The following PIR variants were observed in gnomAD, a reference collection of about 807,000 sequenced individuals.
PIR encodes pirin (iron-binding nuclear protein).
In PIR, 22 loss-of-function variants were observed where a neutral mutation model predicts 24.2. That is an observed-to-expected ratio of 0.91 (90% CI 0.65 to 1.30). PIR has a LOEUF of 1.30. PIR is among the 50% of genes most tolerant of loss of function. The pLI is 0.00. For missense variants in PIR, 220 were observed against 220.3 expected, an observed-to-expected ratio of 1.00 and a Z score of 0.01; for synonymous variants, 80 against 79.6, an observed-to-expected ratio of 1.00 and a Z score of -0.03.
intron 5 of PIR, among the ~76,000 whole-genome samples, chrX:15,431,408 T>C (rs1356521917): frequency 1.8e-5 from 2 of 112,093 alleles, no homozygotes; most frequent in African/African-American, 6.5e-5. Context: ...TTGTTCAACA[T>C]AATCATCTGG....
rs183191403 is a variant in PIR, at chrX:15,388,088, A to C, written c.760+2097T>G. 7.0e-3 allele frequency among the ~76,000 whole-genome samples: 786 copies of C among 112,301 alleles called. 9 individuals carry two copies. The highest frequency in any genetic ancestry group is 0.024 in the African/African-American group (739 of 30,968). ...AACTGAATCCAGAAAGCATGTTTTT[A>C]AATTGATCAACTACAAGGGTTGTGA... On this transcript the variant is annotated intron_variant, in intron 9 of 9. Coordinates refer to ENST00000380420, the MANE Select transcript of PIR (RefSeq NM_001018109.3).
At chrX:15,485,455 G>A (rs1452833181) in intron 2 of PIR, among the ~76,000 whole-genome samples, 1 of 111,652 alleles carries the variant, frequency 9.0e-6, no homozygotes, top group Non-Finnish European at 1.9e-5. Context: ...ATCATATTGA[G>A]TGTTAGGTTT....
At chrX:15,423,976 T>C (rs931882875) in intron 6 of PIR, among the ~76,000 whole-genome samples, 2 of 112,286 alleles carry the variant, frequency 1.8e-5, no homozygotes, top group East Asian at 5.6e-4. Flanking sequence ...AGTGAGAATG[T>C]AAATTAGTAC....
intron 4 of PIR, among the ~76,000 whole-genome samples, chrX:15,456,489 G>A (rs1921090200): frequency 1.8e-5 from 2 of 112,539 alleles, no homozygotes; most frequent in South Asian, 7.3e-4. Flanking sequence ...GGGAGCTCTG[G>A]AGTTGAGATG....
chrX:15,433,928 A>G (rs1291153461), intron 5 of PIR, among the ~76,000 whole-genome samples: 2 of 64,031 alleles, frequency 3.1e-5, no homozygotes, highest in African/African-American at 7.1e-5. Context: ...GAGGAGGAGG[A>G]AGGAGGAAGA....
At chrX:15,476,931 T>A (rs1178599681) in intron 3 of PIR, among the ~76,000 whole-genome samples, 1 of 111,891 alleles carries the variant, frequency 8.9e-6, no homozygotes, top group Non-Finnish European at 1.9e-5. Context: ...GCCATTAAAA[T>A]TAGTTTTTTA....
At chrX:15,486,278 G>A (rs754152666) in intron 2 of PIR, among the ~76,000 whole-genome samples, 10 of 41,440 alleles carry the variant, frequency 2.4e-4, no homozygotes, top group African/African-American at 1.3e-3. Context: ...AGCCGAGGGA[G>A]ACAGAGTGAG....
At position 15,453,424 on chromosome X, in the gene PIR, C is replaced by T. The variant is rs774298506; in HGVS notation, c.480+2424G>A. Among the ~76,000 whole-genome samples the T allele has an allele frequency of 6.2e-5, 7 of 112,319 alleles. No homozygotes were observed. In the South Asian group the frequency reaches 2.2e-3, roughly 36 times the overall value. ...AGACACTGAGGTCCAGAGAAAGTAA[C>T]TGGCTTGCCCAAGGCCACACAGCTA... On this transcript the variant is annotated intron_variant, in intron 5 of 9. Coordinates refer to ENST00000380420, the MANE Select transcript of PIR (RefSeq NM_001018109.3).
intron 2 of PIR, among the ~76,000 whole-genome samples, chrX:15,482,136 A>C (rs1162124622): frequency 2.7e-5 from 3 of 112,332 alleles, no homozygotes; most frequent in Non-Finnish European, 5.6e-5. Flanking sequence ...TGCGGGTGTA[A>C]AATCCTATTA....
chrX:15,455,779 C>T, intron 5 of PIR, 69 bp downstream of exon 5: 1 of 882,336 alleles, frequency 1.1e-6, no homozygotes. Context: ...TGAGAGCTAA[C>T]AATCCAGAAG....
intron 6 of PIR, among the ~76,000 whole-genome samples, chrX:15,411,011 A>T (rs73449347): frequency 0.075 from 8,327 of 111,450 alleles, 765 homozygotes; most frequent in African/African-American, 0.25. Context: ...GGTCCTTCTC[A>T]TCTTTCTTTC....
chrX:15,460,177 G>T (rs1404775991), intron 3 of PIR, among the ~76,000 whole-genome samples: 1 of 111,395 alleles, frequency 9.0e-6, no homozygotes, highest in Non-Finnish European at 1.9e-5. Flanking sequence ...TTATGGAAAA[G>T]AATATGGAGG....
intron 5 of PIR, among the ~76,000 whole-genome samples, chrX:15,436,183 TGTCTAGC>T (rs1451009019): frequency 8.9e-6 from 1 of 112,523 alleles, no homozygotes; most frequent in Non-Finnish European, 1.9e-5. Context: ...AACATCAAGC[TGTCTAGC>T]TGACCAAGAA....
intron 5 of PIR, among the ~76,000 whole-genome samples, chrX:15,428,149 T>C (rs752747855): frequency 9.0e-6 from 1 of 111,058 alleles, no homozygotes; most frequent in Non-Finnish European, 1.9e-5. Flanking sequence ...CCCCCGTGTA[T>C]ATATAAATGA....
intron 3 of PIR, among the ~76,000 whole-genome samples, chrX:15,463,091 G>A (rs1043385373): frequency 9.9e-5 from 11 of 111,584 alleles, no homozygotes; most frequent in Non-Finnish European, 1.7e-4. Flanking sequence ...CTTTCTCTTT[G>A]TCTCCGTGAG....
At chrX:15,489,873 A>T (rs1382248016) in intron 2 of PIR, among the ~76,000 whole-genome samples, 5 of 111,860 alleles carry the variant, frequency 4.5e-5, no homozygotes, top group Non-Finnish European at 9.4e-5. Flanking sequence ...TAAAAAAATC[A>T]AACTCACAGA....
Position 15,455,831 on chromosome X carries a change from A to G in PIR, c.480+17T>C, listed in dbSNP as rs780851000. The G allele has an allele frequency of 2.5e-6, 3 of 1,178,743 alleles. No homozygotes were observed. The highest frequency in any genetic ancestry group is 2.3e-6 in the Non-Finnish European group (2 of 865,331). ...ACTGCATGCCTCAGGTTAAATAGAC[A>G]CAATAGCCTGGCTTACCTTTATTCC... is the stretch of plus-strand genomic sequence containing the variant. On this transcript the variant is annotated intron_variant, in intron 5 of 9. Coordinates refer to ENST00000380420, the MANE Select transcript of PIR (RefSeq NM_001018109.3).
intron 5 of PIR, among the ~76,000 whole-genome samples, chrX:15,447,476 G>A (rs1437427690): frequency 9.0e-6 from 1 of 110,991 alleles, no homozygotes; most frequent in African/African-American, 3.3e-5. Flanking sequence ...CACCACTCCT[G>A]GCTAATTTTG....
At chrX:15,487,539 T>C (rs747327221) in intron 2 of PIR, among the ~76,000 whole-genome samples, 4 of 112,357 alleles carry the variant, frequency 3.6e-5, no homozygotes, top group South Asian at 3.7e-4. Flanking sequence ...TCTATGATGA[T>C]TGAAATTCTT....
Sources: gnomAD v4.1 joint callset for allele counts (sites outside exome capture counted in the v4.1 genomes callset) on GRCh38, gnomAD v4.1.1 for gene constraint, MANE v1.5 for transcripts, NCBI Gene and HGNC (gene_info 2026-07-23, HGNC 2026-07-21) for gene names.